Variants in ANO4 observed in about 807,000 individuals in gnomAD.
ANO4 encodes anoctamin-4.
Under a neutral mutation model 141.9 loss-of-function variants are expected in ANO4, and 69 were observed. The ratio of observed to expected loss-of-function variants is 0.49; its 90% CI spans 0.40 to 0.59. ANO4 has a LOEUF of 0.59. Ranked by LOEUF, ANO4 falls within the 20% of genes least tolerant of loss-of-function variation. ANO4 has a pLI of 0.00. For synonymous variants in ANO4, 350 were observed against 394.3 expected (o/e 0.89, Z 1.33); for missense variants, 894 against 1,162.2 (o/e 0.77, Z 3.36).
chr12:100,942,269 G>A (rs533030764), intron 4 of ANO4, 108 bp from the exon 5 acceptor site: 26 of 1,304,072 alleles, frequency 2.0e-5, no homozygotes, highest in African/African-American at 4.5e-5. Context: ...ATGAGCCACC[G>A]CACCCGAACT....
intron 9 of ANO4, among the ~76,000 whole-genome samples, chr12:101,022,052 A>C (rs1342855255): frequency 6.7e-6 from 1 of 149,706 alleles, no homozygotes; most frequent in Non-Finnish European, 1.5e-5. Flanking sequence ...AAAAAAAAAA[A>C]AAAAAAAACA....
At chr12:100,797,128 G>GTATA (rs199870250) in intron 1 of ANO4, among the ~76,000 whole-genome samples, 2 of 132,580 alleles carry the variant, frequency 1.5e-5, no homozygotes, top group East Asian at 2.2e-4. Context: ...ATATATGTGT[G>GTATA]TGTATATATA....
At chr12:101,111,825 G>A in intron 24 of ANO4, 115 bp downstream of exon 24, 1 of 840,700 alleles carries the variant, frequency 1.2e-6, no homozygotes. Flanking sequence ...AGAAGGAGAG[G>A]CCTGTGATAG....
intron 3 of ANO4, among the ~76,000 whole-genome samples, chr12:100,769,275 G>A (rs931060982): frequency 2.0e-5 from 3 of 152,198 alleles, no homozygotes; most frequent in African/African-American, 7.2e-5. Context: ...AAGGAAAGAT[G>A]CTAGTGATCT....
At chr12:100,911,318 A>G (rs1218831619) in intron 2 of ANO4, among the ~76,000 whole-genome samples, 1 of 152,164 alleles carries the variant, frequency 6.6e-6, no homozygotes, top group East Asian at 1.9e-4. Context: ...TCTCTTATTT[A>G]ATGTGCTATT....
chr12:100,865,349 G>A (rs1466228133), intron 1 of ANO4, among the ~76,000 whole-genome samples: 7 of 152,154 alleles, frequency 4.6e-5, no homozygotes, highest in Admixed American at 3.3e-4. Flanking sequence ...CACAGCTAAA[G>A]AAACTATCAT....
intron 9 of ANO4, among the ~76,000 whole-genome samples, chr12:101,021,700 T>C (rs1322807244): frequency 6.6e-6 from 1 of 152,236 alleles, no homozygotes; most frequent in Non-Finnish European, 1.5e-5. Flanking sequence ...TTCTAATGTG[T>C]ATTTTCTTTT....
chr12:101,124,874 C>T (rs1350294737), intron 26 of ANO4, among the ~76,000 whole-genome samples: 1 of 152,060 alleles, frequency 6.6e-6, no homozygotes, highest in South Asian at 2.1e-4. Flanking sequence ...GTTACTGTAG[C>T]CTTTTAGTAT....
At chr12:100,853,577 C>G (rs76453135) in intron 1 of ANO4, among the ~76,000 whole-genome samples, 3,417 of 151,972 alleles carry the variant, frequency 0.022, 124 homozygotes, top group African/African-American at 0.078. Flanking sequence ...CTCTTAGTTA[C>G]CATAGTTTTT....
chr12:100,992,844 A>G (rs554519784), intron 8 of ANO4, among the ~76,000 whole-genome samples: 2 of 152,256 alleles, frequency 1.3e-5, no homozygotes, highest in South Asian at 4.1e-4. Flanking sequence ...CTAATTGTAA[A>G]CCTTTATTCT....
At chr12:100,856,500 G>C (rs2038180206) in intron 1 of ANO4, among the ~76,000 whole-genome samples, 1 of 152,054 alleles carries the variant, frequency 6.6e-6, no homozygotes, top group African/African-American at 2.4e-5. Flanking sequence ...GCCAGCTGGG[G>C]GAAAAACAAA....
intron 2 of ANO4, among the ~76,000 whole-genome samples, chr12:100,909,278 TAGG>T (rs1036216976): frequency 1.3e-5 from 2 of 152,198 alleles, no homozygotes; most frequent in African/African-American, 4.8e-5. Context: ...TTTGAAGATT[TAGG>T]AGGACAGTTC....
intron 18 of ANO4, among the ~76,000 whole-genome samples, chr12:101,095,202 C>A (rs1203449233): frequency 6.6e-6 from 1 of 152,206 alleles, no homozygotes; most frequent in Non-Finnish European, 1.5e-5. Context: ...CTGAAACTTT[C>A]TATGAGCTGG....
chr12:100,765,297 C>G (rs888003332), intron 3 of ANO4, among the ~76,000 whole-genome samples: 1 of 151,586 alleles, frequency 6.6e-6, no homozygotes, highest in African/African-American at 2.4e-5. Context: ...CTTTCTCATT[C>G]ATTTATAATT....
intron 3 of ANO4, among the ~76,000 whole-genome samples, chr12:100,743,382 T>C (rs1208589189): frequency 1.3e-5 from 2 of 151,888 alleles, no homozygotes; most frequent in East Asian, 3.8e-4. Context: ...GAGGAAAGCT[T>C]GGAAATGATC....
chr12:101,079,791 G>A (rs1041797729), intron 15 of ANO4, among the ~76,000 whole-genome samples: 1 of 151,578 alleles, frequency 6.6e-6, no homozygotes, highest in Non-Finnish European at 1.5e-5. Context: ...TAAATGGAGG[G>A]CCAGCTCTAG....
intron 1 of ANO4, among the ~76,000 whole-genome samples, chr12:100,720,531 G>A (rs571307875): frequency 5.9e-5 from 9 of 151,926 alleles, no homozygotes; most frequent in African/African-American, 2.2e-4. Context: ...GTCTGAGCCG[G>A]TGTTGTTATA....
intron 22 of ANO4, among the ~76,000 whole-genome samples, chr12:101,100,329 A>T (rs1040729193): frequency 1.3e-5 from 2 of 152,284 alleles, no homozygotes; most frequent in Non-Finnish European, 2.9e-5. Flanking sequence ...AGGAGTGGAA[A>T]TGAGGGAAGG....
rs75915932 is a variant in ANO4, at chr12:100,880,643, T to G, written c.-140-21003T>G. On this transcript the variant is annotated intron_variant, in intron 1 of 27. Coordinates refer to ENST00000392977, the MANE Select transcript of ANO4 (RefSeq NM_001286615.2). ...GCAGCATGAATCACTGCTTCTGCCT[T>G]TCATATGTTTTTTAATGGCTTGATC... Among the ~76,000 whole-genome samples the G allele has an allele frequency of 7.1e-3, 1,074 of 151,686 alleles. 15 individuals carry two copies. Among genetic ancestry groups the G allele is most frequent in the African/African-American group, 0.024 (1,015 of 41,506 alleles).
Sources: gnomAD v4.1 joint callset for allele counts (sites outside exome capture counted in the v4.1 genomes callset) on GRCh38, gnomAD v4.1.1 for gene constraint, MANE v1.5 for transcripts, NCBI Gene and HGNC (gene_info 2026-07-23, HGNC 2026-07-21) for gene names.